HIPK1: variants seen among roughly 807,000 people sequenced by gnomAD.
The protein encoded by HIPK1 is homeodomain interacting protein kinase 1.
Under a neutral mutation model 117.1 loss-of-function variants are expected in HIPK1, and 28 were observed. The observed-to-expected ratio is 0.24, with a 90% confidence interval of 0.18 to 0.33. HIPK1 has a LOEUF of 0.33. HIPK1 is among the 10% of genes least tolerant of loss of function. The probability of loss-of-function intolerance (pLI) is 1.00; values close to 1 mark genes in which losing one functional copy is unlikely to be tolerated. For missense variants in HIPK1, 1,122 were observed against 1,475.1 expected, an observed-to-expected ratio of 0.76 and a Z score of 3.92; for synonymous variants, 605 against 562.5, an observed-to-expected ratio of 1.08 and a Z score of -1.07.
chr1:113,955,181 A>C (rs1671630282), intron 4 of HIPK1, among the ~76,000 whole-genome samples: 1 of 152,124 alleles, frequency 6.6e-6, no homozygotes, highest in Admixed American at 6.5e-5. Context: ...TTCTGAGCCT[A>C]CTCTGTCAGG....
intron 3 of HIPK1, among the ~76,000 whole-genome samples, chr1:113,954,138 T>G (rs947526499): frequency 2.0e-5 from 3 of 152,070 alleles, no homozygotes; most frequent in Non-Finnish European, 4.4e-5. Context: ...TTCTTTTATT[T>G]TTTGTAGAGT....
intron 1 of HIPK1, 137 bp downstream of exon 1, chr1:113,929,669 C>T (rs1669703876): frequency 4.4e-6 from 4 of 909,282 alleles, no homozygotes; most frequent in Non-Finnish European, 4.3e-6. Flanking sequence ...GGCGGTAGCC[C>T]CGGACGGCAG....
chr1:113,956,816 G>A lies in HIPK1; in HGVS notation c.1592+5G>A. On this transcript the variant is annotated splice_donor_5th_base_variant and intron_variant, in intron 6 of 15. Coordinates refer to ENST00000426820, the MANE Select transcript of HIPK1 (RefSeq NM_198268.3). ...GGATTTTCCACATAGCAATCAGTGA[G>A]TATGGAATATTCTGGGGCTTTTGCC... 1 of 1,613,028 alleles carries A rather than the reference G, an allele frequency of 6.2e-7. No homozygotes were observed. The highest frequency in any genetic ancestry group is 8.5e-7 in the Non-Finnish European group (1 of 1,179,200).
chr1:113,969,927 C>CA (rs766895854), intron 13 of HIPK1, 29 bp from the exon 14 acceptor site: 1 of 1,612,262 alleles, frequency 6.2e-7, no homozygotes, highest in Non-Finnish European at 8.5e-7. Flanking sequence ...AAGAACAATT[C>CA]AATTTTCATG....
chr1:113,929,441 G>GGAGGCCCACCTACTC lies in HIPK1; in HGVS notation c.-83_-69dup. On this transcript the variant is annotated 5_prime_UTR_variant, in exon 1 of 16. Coordinates refer to ENST00000426820, the MANE Select transcript of HIPK1 (RefSeq NM_198268.3). ...CACTCGATCCACGCTGGCTCCCTAC[G>GGAGGCCCACCTACTC]GAGGCCCACCTACTCGAGGCCCACC... 2 of 1,289,380 alleles carry GGAGGCCCACCTACTC rather than the reference G, an allele frequency of 1.6e-6. No individual in the cohort carries two copies. The highest frequency in any genetic ancestry group is 1.5e-5 in the African/African-American group (1 of 65,960). 79.9% of individuals were successfully genotyped at this position (1,289,380 alleles called of 1,614,324 possible). A position where few individuals can be genotyped will look rare whatever the true frequency, so the allele number is the denominator to read the frequency against.
At position 113,962,449 on chromosome 1, in the gene HIPK1, G is replaced by C. The variant is rs758577496; in HGVS notation, c.2103+11G>C. ...GGAGTTCTCACGCAGGTAAAAGCTA[G>C]AGCAATGTGGATACTCAGTATTGCT... On this transcript the variant is annotated intron_variant, in intron 9 of 15. Coordinates refer to ENST00000426820, the MANE Select transcript of HIPK1 (RefSeq NM_198268.3). 5 of 1,612,198 alleles carry C rather than the reference G, an allele frequency of 3.1e-6. No homozygotes were observed. In the African/African-American group the frequency reaches 6.7e-5, roughly 22 times the overall value.
chr1:113,950,514 T>C (rs952826613), intron 2 of HIPK1, among the ~76,000 whole-genome samples: 13 of 152,172 alleles, frequency 8.5e-5, no homozygotes, highest in African/African-American at 3.1e-4. Flanking sequence ...CCATCCTTTT[T>C]CTTTTGTTGA....
At chr1:113,932,182 A>C (rs892180197) in intron 1 of HIPK1, 1 of 151,522 alleles carries the variant, frequency 6.6e-6, no homozygotes, top group African/African-American at 2.4e-5. Flanking sequence ...TTTCTTTTTC[A>C]TGTGTTATAT....
At position 113,948,925 on chromosome 1, in the gene HIPK1, C is replaced by T. The variant is rs184959346; in HGVS notation, c.1077-3841C>T. Among the ~76,000 whole-genome samples the T allele has an allele frequency of 4.3e-3, 656 of 152,156 alleles. 9 individuals carry two copies. Among genetic ancestry groups the T allele is most frequent in the Admixed American group, 0.034 (526 of 15,276 alleles). ...TAATCTTGGCTCACTGCAACCTCTG[C>T]CCCCCGGGTTCAAGCGATTCTCCTG... On this transcript the variant is annotated intron_variant, in intron 2 of 15. Transcript: ENST00000426820.
At chr1:113,933,841 G>T (rs751526361) in intron 1 of HIPK1, among the ~76,000 whole-genome samples, 23 of 152,260 alleles carry the variant, frequency 1.5e-4, no homozygotes, top group Non-Finnish European at 3.2e-4. Flanking sequence ...CTGCACTCCG[G>T]TCTGGGTGAC....
rs1670575749 is a variant in HIPK1 at position 113,940,497 on chromosome 1, C to T, written c.114C>T (p.Ser38=). The T allele has an allele frequency of 6.2e-7, 1 of 1,614,192 alleles. No homozygotes were observed. The highest frequency in any genetic ancestry group is 1.3e-5 in the African/African-American group (1 of 75,030). Residue 38 remains serine (S), a synonymous_variant, in exon 2 of 16, where the codon AGC becomes AGT. Coordinates refer to ENST00000426820, the MANE Select transcript of HIPK1 (RefSeq NM_198268.3). ...GCTGGGATGTTTCAGGACAGAGTAG[C>T]AACGACAAATATTATACCCACAGCA... is the stretch of plus-strand genomic sequence containing the variant. ...PSGWDVSGQS[S]NDKYYTHSKT...
rs1198928804 is a variant in HIPK1 at position 113,954,758 on chromosome 1, G to A, written c.1308G>A (p.Leu436=). The A allele has an allele frequency of 2.5e-6, 4 of 1,613,988 alleles. No homozygotes were observed. The highest frequency in any genetic ancestry group is 1.3e-5 in the African/African-American group (1 of 75,012). Residue 436 remains leucine, a synonymous_variant, in exon 4 of 16, where the codon CTG becomes CTA. Transcript: ENST00000426820. ...GAGATCCTAATTTGGGGTACCCACT[G>A]TGGAGGCTTAAGGTCTGTCTTCCCT... ...FNRDPNLGYP[L]WRLKTPEEHE... is the part of the protein sequence containing the mutation.
chr1:113,947,516 GGTAA>G (rs1671063422), intron 2 of HIPK1, among the ~76,000 whole-genome samples: 1 of 152,106 alleles, frequency 6.6e-6, no homozygotes, highest in African/African-American at 2.4e-5. Context: ...CTCTCTAATT[GGTAA>G]GTAAGTAGGT....
In HIPK1 at chr1:113,973,631, C is replaced by T. The variant is rs1241162776; in HGVS notation, c.*119C>T. The T allele has an allele frequency of 2.5e-6, 3 of 1,191,660 alleles. No individual in the cohort carries two copies. The East Asian group carries it at 7.5e-5, about 30-fold the overall frequency. The allele number at this position is 1,191,660 out of a possible 1,614,324, so 73.8% of individuals were successfully genotyped here. On this transcript the variant is annotated 3_prime_UTR_variant, in exon 16 of 16. Transcript: ENST00000426820. ...GAAATTTCTTAGCCAGCAACTTGTT[C>T]TGCAGGGGCCCACTGAAGCAGAAGG...
chr1:113,968,732 A>G (rs978135905), intron 13 of HIPK1, 84 bp downstream of exon 13: 6 of 1,123,074 alleles, frequency 5.3e-6, no homozygotes, highest in Middle Eastern at 2.0e-4. Context: ...CTGTGAAAGA[A>G]AGGACCGGTG....
chr1:113,952,242 C>T (rs561042002), intron 2 of HIPK1, among the ~76,000 whole-genome samples: 44 of 145,838 alleles, frequency 3.0e-4, no homozygotes, highest in Non-Finnish European at 5.6e-4. Context: ...CCCAGTTGAC[C>T]AGGCCTTTTA....
At chr1:113,971,286 C>T (rs926001402) in intron 14 of HIPK1, among the ~76,000 whole-genome samples, 2 of 152,182 alleles carry the variant, frequency 1.3e-5, no homozygotes, top group South Asian at 4.1e-4. Flanking sequence ...TCACATGAGA[C>T]ACTGAATAAA....
At chr1:113,969,311 T>C (rs1331759502) in intron 13 of HIPK1, among the ~76,000 whole-genome samples, 1 of 152,186 alleles carries the variant, frequency 6.6e-6, no homozygotes, top group Non-Finnish European at 1.5e-5. Flanking sequence ...AGGTGTGGAC[T>C]CTGAAGTCAT....
intron 1 of HIPK1, among the ~76,000 whole-genome samples, chr1:113,937,199 G>A (rs896913602): frequency 6.6e-6 from 1 of 152,028 alleles, no homozygotes; most frequent in African/African-American, 2.4e-5. Context: ...AACTCTTAAA[G>A]TAAATCTCAA....
Sources: allele counts gnomAD v4.1 joint callset (sites outside exome capture counted in the v4.1 genomes callset), GRCh38; gene constraint gnomAD v4.1.1; transcripts MANE v1.5; gene names NCBI Gene and HGNC (gene_info 2026-07-23, HGNC 2026-07-21).